LARGE1: variants seen among roughly 807,000 people sequenced by gnomAD.
The protein encoded by LARGE1 is LARGE xylosyl- and glucuronyltransferase 1.
A neutral mutation model predicts 87.6 loss-of-function variants in LARGE1; 43 were observed. The ratio of observed to expected loss-of-function variants is 0.49; its 90% confidence interval spans 0.38 to 0.63. The LOEUF (loss-of-function observed/expected upper bound fraction) is 0.63, where lower values mean the gene tolerates loss of function less well. Ranked by LOEUF, LARGE1 falls within the 30% of genes least tolerant of loss-of-function variation. LARGE1 has a pLI of 0.00. For missense variants in LARGE1, 802 were observed against 1,000.2 expected (o/e 0.80, Z 2.67); for synonymous variants, 434 against 394.6 (o/e 1.10, Z -1.18).
At chr22:33,747,982 G>A (rs1025898868) in intron 2 of LARGE1, among the ~76,000 whole-genome samples, 2 of 140,648 alleles carry the variant, frequency 1.4e-5, no homozygotes, top group African/African-American at 5.6e-5. Flanking sequence ...TCCATCACTG[G>A]CTGTGTGCCA....
At chr22:33,693,852 G>A (rs900112960) in intron 2 of LARGE1, among the ~76,000 whole-genome samples, 1 of 151,982 alleles carries the variant, frequency 6.6e-6, no homozygotes. Context: ...AAAAGAGAGA[G>A]AAAAAAGAAA....
intron 14 of LARGE1, among the ~76,000 whole-genome samples, chr22:33,276,436 G>C (rs957494671): frequency 1.3e-5 from 2 of 152,212 alleles, no homozygotes; most frequent in African/African-American, 2.4e-5. Context: ...TTGAAAAGGA[G>C]ACCTGTAGGT....
At chr22:33,379,341 G>A (rs2065085999) in intron 9 of LARGE1, among the ~76,000 whole-genome samples, 1 of 150,868 alleles carries the variant, frequency 6.6e-6, no homozygotes, top group Admixed American at 6.6e-5. Context: ...GTGTACATGT[G>A]CCATGTTGGT....
At chr22:33,854,456 CCAT>C (rs887871080) in intron 1 of LARGE1, among the ~76,000 whole-genome samples, 5 of 152,060 alleles carry the variant, frequency 3.3e-5, no homozygotes, top group Non-Finnish European at 7.4e-5. Flanking sequence ...TCAGCCTTCT[CCAT>C]CATGAGTCTT....
chr22:33,835,716 TC>T (rs1469428372), intron 1 of LARGE1, among the ~76,000 whole-genome samples: 10 of 152,204 alleles, frequency 6.6e-5, no homozygotes, highest in Non-Finnish European at 1.2e-4. Context: ...ATTCCAAGCT[TC>T]CTTTTATCAT....
At chr22:33,223,781 G>A (rs567596027) in intron 11 of LARGE1, among the ~76,000 whole-genome samples, 1 of 152,270 alleles carries the variant, frequency 6.6e-6, no homozygotes, top group African/African-American at 2.4e-5. Context: ...GCCTGGACCA[G>A]CCTTTGACAT....
chr22:33,839,866 C>T (rs557950785), intron 1 of LARGE1, among the ~76,000 whole-genome samples: 22 of 152,312 alleles, frequency 1.4e-4, no homozygotes, highest in African/African-American at 5.1e-4. Flanking sequence ...ATGAACTATG[C>T]CCCTCATTGT....
intron 1 of LARGE1, among the ~76,000 whole-genome samples, chr22:33,869,121 T>C (rs1355474260): frequency 6.6e-6 from 1 of 152,178 alleles, no homozygotes; most frequent in Non-Finnish European, 1.5e-5. Flanking sequence ...GAAATCCAAC[T>C]TTCTGATCAA....
chr22:33,527,501 T>C (rs1204232860), intron 6 of LARGE1, among the ~76,000 whole-genome samples: 1 of 152,064 alleles, frequency 6.6e-6, no homozygotes, highest in African/African-American at 2.4e-5. Flanking sequence ...CATTGGTGGG[T>C]GGCACTCGGA....
chr22:33,275,900 G>A (rs1170089653), intron 14 of LARGE1, among the ~76,000 whole-genome samples: 2 of 152,204 alleles, frequency 1.3e-5, no homozygotes, highest in Non-Finnish European at 2.9e-5. Context: ...ACTGTTGTCT[G>A]TGAGTGGCAC....
intron 9 of LARGE1, among the ~76,000 whole-genome samples, chr22:33,345,796 A>G (rs1040052869): frequency 1.3e-5 from 2 of 152,098 alleles, no homozygotes; most frequent in African/African-American, 4.8e-5. Flanking sequence ...CAGAAACAAG[A>G]CCTCAGTGCA....
intron 6 of LARGE1, among the ~76,000 whole-genome samples, chr22:33,522,356 T>G (rs2071647442): frequency 6.6e-6 from 1 of 152,176 alleles, no homozygotes; most frequent in Admixed American, 6.5e-5. Flanking sequence ...CCCACCAGCA[T>G]CACCAACAGA....
At chr22:33,688,443 C>T (rs1370655807) in intron 2 of LARGE1, among the ~76,000 whole-genome samples, 4 of 152,092 alleles carry the variant, frequency 2.6e-5, no homozygotes, top group Non-Finnish European at 5.9e-5. Flanking sequence ...CCTCTGCCTC[C>T]TGGGTTCAAG....
chr22:33,637,560 G>C (rs2080305023), intron 3 of LARGE1, among the ~76,000 whole-genome samples: 1 of 151,810 alleles, frequency 6.6e-6, no homozygotes, highest in South Asian at 2.1e-4. Context: ...AATGGTATAA[G>C]ACATCCGAGG....
chr22:33,154,307 C>T, the LARGE1 span, among the ~76,000 whole-genome samples: 1 of 152,168 alleles, frequency 6.6e-6, no homozygotes, highest in Non-Finnish European at 1.5e-5. Context: ...GTGGCATGAA[C>T]TCAGCTCACT....
At chr22:33,768,434 G>GCA (rs1311510203) in intron 1 of LARGE1, among the ~76,000 whole-genome samples, 1 of 110,538 alleles carries the variant, frequency 9.0e-6, no homozygotes, top group Non-Finnish European at 1.9e-5. Flanking sequence ...CAACGCGCGC[G>GCA]CTCACACACA....
At chr22:33,607,744 A>G (rs1409588506) in intron 4 of LARGE1, among the ~76,000 whole-genome samples, 1 of 152,202 alleles carries the variant, frequency 6.6e-6, no homozygotes, top group Non-Finnish European at 1.5e-5. Flanking sequence ...AGACCTGAAG[A>G]AAGAAATTTC....
chr22:33,848,678 T>C (rs1428106131), intron 1 of LARGE1, among the ~76,000 whole-genome samples: 1 of 152,102 alleles, frequency 6.6e-6, no homozygotes. Context: ...GGTATGCCTA[T>C]CCCCCAATTA....
chr22:33,394,702 C>CGTGTGTGTGTGTGTGTGT (rs59338001), intron 7 of LARGE1, among the ~76,000 whole-genome samples: 5 of 142,334 alleles, frequency 3.5e-5, no homozygotes, highest in African/African-American at 1.0e-4. Context: ...CTCCTGGGAG[C>CGTGTGTGTGTGTGTGTGT]GTGTGTGTGT....
Sources: gnomAD v4.1 joint callset for allele counts (sites outside exome capture counted in the v4.1 genomes callset) on GRCh38, gnomAD v4.1.1 for gene constraint, MANE v1.5 for transcripts, NCBI Gene and HGNC (gene_info 2026-07-23, HGNC 2026-07-21) for gene names.